Variants in TMTC2 observed in about 807,000 individuals in gnomAD.
TMTC2 encodes the protein transmembrane O-mannosyltransferase targeting cadherins 2.
TMTC2 carries 43 observed loss-of-function variants against 82.4 expected under a neutral mutation model. That is an observed-to-expected ratio of 0.52 (90% CI 0.41 to 0.67). The LOEUF is 0.67. Ranked by LOEUF, TMTC2 falls within the 30% of genes least tolerant of loss-of-function variation. The probability of loss-of-function intolerance (pLI) is 0.00; values close to 1 mark genes in which losing one functional copy is unlikely to be tolerated. For synonymous variants in TMTC2, 408 were observed against 381.9 expected (o/e 1.07, Z -0.80); for missense variants, 919 against 1,012.4 (o/e 0.91, Z 1.25).
At chr12:82,688,708 G>C (rs535104630) in intron 1 of TMTC2, among the ~76,000 whole-genome samples, 1 of 152,196 alleles carries the variant, frequency 6.6e-6, no homozygotes, top group African/African-American at 2.4e-5. Context: ...CATCCAAAAA[G>C]TGAGCACAGA....
At chr12:82,756,876 A>G (rs1876359182) in intron 1 of TMTC2, among the ~76,000 whole-genome samples, 10 of 152,196 alleles carry the variant, frequency 6.6e-5, no homozygotes, top group Admixed American at 6.5e-4. Flanking sequence ...CTTTGCCTCC[A>G]GGGTCTTTTT....
chr12:83,122,556 A>C (rs1239915248), intron 11 of TMTC2, among the ~76,000 whole-genome samples: 5 of 152,090 alleles, frequency 3.3e-5, no homozygotes, highest in Non-Finnish European at 5.9e-5. Context: ...AGCTCCAGGC[A>C]AAGTCACAAT....
intron 1 of TMTC2, among the ~76,000 whole-genome samples, chr12:82,849,664 A>G (rs529605233): frequency 1.3e-5 from 2 of 152,244 alleles, no homozygotes; most frequent in African/African-American, 2.4e-5. Flanking sequence ...GAAACTACCA[A>G]TGTTACATGG....
chr12:83,054,715 AATTTT>A (rs997978313), intron 10 of TMTC2, among the ~76,000 whole-genome samples: 1 of 151,576 alleles, frequency 6.6e-6, no homozygotes, highest in Non-Finnish European at 1.5e-5. Context: ...TGCTATATAT[AATTTT>A]ATTTGTGTAT....
At chr12:83,051,583 C>T (rs963715554) in intron 10 of TMTC2, among the ~76,000 whole-genome samples, 3 of 152,062 alleles carry the variant, frequency 2.0e-5, no homozygotes, top group Non-Finnish European at 2.9e-5. Flanking sequence ...AACATTATGT[C>T]AGTAAACTGC....
chr12:82,921,022 C>T (rs1875357990), intron 3 of TMTC2, among the ~76,000 whole-genome samples: 2 of 151,946 alleles, frequency 1.3e-5, no homozygotes, highest in African/African-American at 2.4e-5. Context: ...ATTAATTTTT[C>T]TCTGGTCTGA....
In TMTC2 at chr12:82,994,530, C is replaced by T. The variant is rs191505258; in HGVS notation, c.2070+8484C>T. Among the ~76,000 whole-genome samples the T allele has an allele frequency of 5.7e-4, 86 of 152,100 alleles. No individual in the cohort carries two copies. In the East Asian group the frequency reaches 0.012, roughly 21 times the overall value. Reference sequence around the variant, plus strand: ...AATATAAATAGCCAGCTGGTTCAAGCCCTCATAATCCCTAGTACTCTGATA... The same window carrying T: ...AATATAAATAGCCAGCTGGTTCAAGTCCTCATAATCCCTAGTACTCTGATA... On this transcript the variant is annotated intron_variant, in intron 8 of 11. Coordinates refer to ENST00000321196, the MANE Select transcript of TMTC2 (RefSeq NM_152588.3).
intron 4 of TMTC2, among the ~76,000 whole-genome samples, chr12:82,959,980 A>C (rs1877834188): frequency 6.6e-6 from 1 of 151,912 alleles, no homozygotes; most frequent in Non-Finnish European, 1.5e-5. Flanking sequence ...GTACAAGCAA[A>C]AGACAACACC....
At chr12:83,123,260 G>A (rs767041162) in intron 11 of TMTC2, among the ~76,000 whole-genome samples, 23 of 152,180 alleles carry the variant, frequency 1.5e-4, no homozygotes, top group Non-Finnish European at 2.5e-4. Flanking sequence ...CCTTTATACA[G>A]CATTGTTGTC....
intron 1 of TMTC2, among the ~76,000 whole-genome samples, chr12:82,784,946 A>T (rs979402750): frequency 4.6e-5 from 7 of 152,032 alleles, no homozygotes; most frequent in Non-Finnish European, 8.8e-5. Flanking sequence ...ATTTTCAGAA[A>T]ATAGCTTAGT....
At chr12:83,040,231 G>A (rs1881836729) in intron 9 of TMTC2, among the ~76,000 whole-genome samples, 1 of 152,168 alleles carries the variant, frequency 6.6e-6, no homozygotes, top group African/African-American at 2.4e-5. Flanking sequence ...TGACACCCCA[G>A]CTCACAATAT....
At chr12:82,933,030 G>A (rs1796178) in intron 4 of TMTC2, among the ~76,000 whole-genome samples, 134,343 of 152,176 alleles carry the variant, frequency 0.88, 59,873 homozygotes, top group East Asian at 1. Flanking sequence ...TGTACTGGAA[G>A]AGTGGTTATT....
intron 11 of TMTC2, among the ~76,000 whole-genome samples, chr12:83,119,361 C>T (rs553325379): frequency 7.0e-4 from 106 of 152,050 alleles, no homozygotes; most frequent in Non-Finnish European, 1.3e-3. Context: ...TCATTCAGTT[C>T]GAAGAATTTT....
At chr12:82,746,289 G>A (rs533942760) in intron 1 of TMTC2, among the ~76,000 whole-genome samples, 2 of 152,184 alleles carry the variant, frequency 1.3e-5, no homozygotes, top group African/African-American at 4.8e-5. Flanking sequence ...TTGTCCATAG[G>A]TCTAATAAAG....
rs112279395 is a variant in TMTC2 at position 82,813,445 on chromosome 12, C to G, written c.84-43565C>G. 1.3e-4 allele frequency among the ~76,000 whole-genome samples: 20 copies of G among 152,114 alleles called. 2 individuals carry two copies. Among genetic ancestry groups the G allele is most frequent in the African/African-American group, 4.8e-4 (20 of 41,538 alleles). On this transcript the variant is annotated intron_variant, in intron 1 of 11. Transcript: ENST00000321196. Reference sequence around the variant, plus strand: ...ATTTTCTCTTCTCAGGTTAAATATTCCATTTCCTTTGTTCAGGAGTTTCTT... The same window carrying G: ...ATTTTCTCTTCTCAGGTTAAATATTGCATTTCCTTTGTTCAGGAGTTTCTT...
chr12:83,030,966 T>C, intron 9 of TMTC2, 87 bp downstream of exon 9: 2 of 995,246 alleles, frequency 2.0e-6, no homozygotes. Context: ...CAAAGAACAT[T>C]TTAAGAGGAG....
intron 1 of TMTC2, among the ~76,000 whole-genome samples, chr12:82,726,488 G>C (rs564669390): frequency 1.3e-5 from 2 of 151,916 alleles, no homozygotes; most frequent in African/African-American, 4.9e-5. Context: ...ACTTTTCAGT[G>C]ATGCTGGTAG....
chr12:82,989,753 C>T (rs1592678005), intron 8 of TMTC2, among the ~76,000 whole-genome samples: 3 of 141,936 alleles, frequency 2.1e-5, no homozygotes, highest in Admixed American at 7.0e-5. Context: ...TTTCAGGAGG[C>T]TTTTTTTTTT....
chr12:83,092,177 A>G (rs1448003831), intron 11 of TMTC2, among the ~76,000 whole-genome samples: 1 of 152,176 alleles, frequency 6.6e-6, no homozygotes, highest in African/African-American at 2.4e-5. Flanking sequence ...CCAGGATGCC[A>G]TTGTGTTAGA....
Sources: allele counts gnomAD v4.1 joint callset (sites outside exome capture counted in the v4.1 genomes callset), GRCh38; gene constraint gnomAD v4.1.1; transcripts MANE v1.5; gene names NCBI Gene and HGNC (gene_info 2026-07-23, HGNC 2026-07-21).